Variants in OSBPL10 observed in about 807,000 individuals in gnomAD.
OSBPL10 encodes the protein oxysterol binding protein like 10, also known as oxysterol-binding protein-related protein 10.
In OSBPL10, 49 loss-of-function variants were observed where a neutral mutation model predicts 81.7. That is an observed-to-expected ratio of 0.60 (90% CI 0.48 to 0.76). The LOEUF is 0.76. Ranked by LOEUF, OSBPL10 falls within the 30% of genes least tolerant of loss-of-function variation. The pLI is 0.00. For synonymous variants in OSBPL10, 419 were observed against 383.6 expected (o/e 1.09, Z -1.08); for missense variants, 923 against 987.8 (o/e 0.93, Z 0.88).
chr3:31,757,831 C>T (rs762246806), intron 4 of OSBPL10, among the ~76,000 whole-genome samples: 4 of 152,134 alleles, frequency 2.6e-5, no homozygotes, highest in Non-Finnish European at 5.9e-5. Context: ...AAATATACCA[C>T]CCCAAAATAT....
chr3:31,668,900 A>G, intron 9 of OSBPL10, 76 bp from the exon 10 acceptor site: 1 of 1,311,402 alleles, frequency 7.6e-7, no homozygotes, highest in Non-Finnish European at 1.0e-6. Flanking sequence ...ACCCATCTCT[A>G]GAGATTTTTT....
chr3:32,062,130 C>T lies in OSBPL10; in HGVS notation n.185+15266G>A. On this transcript the variant is annotated intron_variant and non_coding_transcript_variant, in intron 1 of 3. Transcript: ENST00000479173. ...TTTTTGTTTTGTTTTGTTTTTGAGA[C>T]AGAGTCTCGCTCTATGGCCCAGGCT... 2.2e-5 allele frequency among the ~76,000 whole-genome samples: 2 copies of T among 92,212 alleles called. 1 individual carries two copies. Among genetic ancestry groups the T allele is most frequent in the Non-Finnish European group, 5.8e-5 (2 of 34,498 alleles). 60.5% of individuals were successfully genotyped at this position (92,212 alleles called of 152,430 possible).
intron 4 of OSBPL10, among the ~76,000 whole-genome samples, chr3:31,763,993 A>G (rs6796941): frequency 0.073 from 11,063 of 152,274 alleles, 1,369 homozygotes; most frequent in African/African-American, 0.25. Context: ...CATTTTACAG[A>G]AGAGAGAACA....
intron 6 of OSBPL10, among the ~76,000 whole-genome samples, chr3:31,715,937 T>C (rs993163381): frequency 6.6e-6 from 1 of 152,338 alleles, no homozygotes; most frequent in South Asian, 2.1e-4. Flanking sequence ...CACTAATTGC[T>C]AGACTGCCTT....
At chr3:31,783,789 T>TAAAAAAAAAAA (rs869137696) in intron 4 of OSBPL10, among the ~76,000 whole-genome samples, 1 of 19,964 alleles carries the variant, frequency 5.0e-5, no homozygotes, top group Admixed American at 1.1e-3. Flanking sequence ...AGACTCCGAT[T>TAAAAAAAAAAA]AAAAAAAAAA....
At chr3:31,852,648 G>A (rs1287171509) in intron 3 of OSBPL10, among the ~76,000 whole-genome samples, 1 of 151,986 alleles carries the variant, frequency 6.6e-6, no homozygotes, top group African/African-American at 2.4e-5. Context: ...GCATGCTCTC[G>A]ACTCACTACA....
At chr3:32,025,402 G>C (rs1699394424) in intron 2 of OSBPL10, among the ~76,000 whole-genome samples, 1 of 152,012 alleles carries the variant, frequency 6.6e-6, no homozygotes, top group Non-Finnish European at 1.5e-5. Context: ...TGCTGACCTT[G>C]GTTTGATAGG....
intron 2 of OSBPL10, among the ~76,000 whole-genome samples, chr3:32,010,752 G>A (rs772925908): frequency 2.0e-4 from 30 of 152,298 alleles, no homozygotes; most frequent in Admixed American, 3.3e-4. Flanking sequence ...CTAATACTGC[G>A]ATTTTCCGAC....
intron 1 of OSBPL10, among the ~76,000 whole-genome samples, chr3:31,963,072 C>T (rs937124337): frequency 6.6e-6 from 1 of 152,148 alleles, no homozygotes; most frequent in African/African-American, 2.4e-5. Context: ...ATGACTCAAA[C>T]TTACCAAAGA....
Position 32,063,635 on chromosome 3 carries a change from A to G in OSBPL10, n.185+13761T>C, listed in dbSNP as rs1699762155. 3.3e-5 allele frequency among the ~76,000 whole-genome samples: 3 copies of G among 91,808 alleles called. 1 individual carries two copies. The highest frequency in any genetic ancestry group is 5.6e-5 in the African/African-American group (2 of 35,682). 60.2% of individuals were successfully genotyped at this position (91,808 alleles called of 152,430 possible). ...AATCTCATCTTGAATTGTAATCCCT[A>G]TATGTGAAGGGAGGGACCTGGTGGG... On this transcript the variant is annotated intron_variant and non_coding_transcript_variant, in intron 1 of 3. Transcript: ENST00000479173.
chr3:31,702,556 T>C, intron 6 of OSBPL10, 48 bp from the exon 7 acceptor site: 5 of 1,608,820 alleles, frequency 3.1e-6, no homozygotes, highest in Non-Finnish European at 4.3e-6. Context: ...CAATAGAAGT[T>C]AGAAATAAAG....
In OSBPL10 at chr3:31,953,617, G is replaced by A. The variant is rs138973351; in HGVS notation, c.281+27282C>T. Among the ~76,000 whole-genome samples the A allele has an allele frequency of 1.6e-3, 249 of 151,880 alleles. 1 individual carries two copies. The highest frequency in any genetic ancestry group is 5.9e-3 in the African/African-American group (244 of 41,406). ...AAGACGGTTTTACCATGTTTCCCAG[G>A]CTGATCTCAAGCTCCTGGGCTCAAG... On this transcript the variant is annotated intron_variant, in intron 1 of 11. Transcript: ENST00000396556.
At chr3:32,035,435 G>A (rs899982825) in intron 2 of OSBPL10, among the ~76,000 whole-genome samples, 8 of 151,828 alleles carry the variant, frequency 5.3e-5, no homozygotes, top group Non-Finnish European at 7.4e-5. Context: ...GGTGGTGCAC[G>A]CCTGTAATCC....
intron 4 of OSBPL10, among the ~76,000 whole-genome samples, chr3:31,776,887 G>A (rs532572129): frequency 1.3e-5 from 2 of 152,050 alleles, no homozygotes; most frequent in African/African-American, 4.8e-5. Context: ...ACAACACTGT[G>A]AATACACTAA....
At chr3:31,674,949 G>A (rs865916037) in intron 8 of OSBPL10, among the ~76,000 whole-genome samples, 19 of 152,342 alleles carry the variant, frequency 1.2e-4, no homozygotes, top group Middle Eastern at 6.8e-3. Context: ...TGGGCTAAGC[G>A]AGGATGTTGC....
At chr3:31,879,168 T>A (rs1012116486) in intron 2 of OSBPL10, among the ~76,000 whole-genome samples, 1 of 152,122 alleles carries the variant, frequency 6.6e-6, no homozygotes, top group Admixed American at 6.6e-5. Flanking sequence ...AAAGGGACAT[T>A]AACTCCATTC....
In OSBPL10 at chr3:31,836,488, C is replaced by CT. The variant is rs566229061; in HGVS notation, c.538-6258dup. 3.7e-4 allele frequency among the ~76,000 whole-genome samples: 56 copies of CT among 152,176 alleles called. 2 individuals carry two copies. The highest frequency in any genetic ancestry group is 1.3e-3 in the African/African-American group (56 of 41,512). On this transcript the variant is annotated intron_variant, in intron 3 of 11. Transcript: ENST00000396556. ...GAAACAAAACTTGACATTTTCTGCG[C>CT]TTTTTTCCCCCATCATTTTCAACTC...
At chr3:31,823,183 C>T (rs1700021075) in intron 4 of OSBPL10, among the ~76,000 whole-genome samples, 1 of 152,160 alleles carries the variant, frequency 6.6e-6, no homozygotes, top group Non-Finnish European at 1.5e-5. Context: ...CAACCAATTG[C>T]CAGGTCTCCT....
intron 3 of OSBPL10, among the ~76,000 whole-genome samples, chr3:31,858,065 G>C (rs1337961395): frequency 6.6e-6 from 1 of 150,676 alleles, no homozygotes; most frequent in Non-Finnish European, 1.5e-5. Flanking sequence ...GCGTAATCAT[G>C]GCTCACTGCA....
Sources: gnomAD v4.1 joint callset for allele counts (sites outside exome capture counted in the v4.1 genomes callset) on GRCh38, gnomAD v4.1.1 for gene constraint, MANE v1.5 for transcripts, NCBI Gene and HGNC (gene_info 2026-07-23, HGNC 2026-07-21) for gene names.